Variants in FAM13C observed in about 807,000 individuals in gnomAD.
The protein encoded by FAM13C is family with sequence similarity 13 member C.
Under a neutral mutation model 73.2 loss-of-function variants are expected in FAM13C, and 37 were observed. The observed-to-expected ratio is 0.51, with a 90% confidence interval of 0.39 to 0.67. FAM13C has a LOEUF of 0.67. FAM13C is among the 30% of genes least tolerant of loss of function. FAM13C has a pLI of 0.00. For synonymous variants in FAM13C, 246 were observed against 260.9 expected (o/e 0.94, Z 0.55); for missense variants, 589 against 715.6 (o/e 0.82, Z 2.02).
intron 13 of FAM13C, among the ~76,000 whole-genome samples, chr10:59,249,537 TTAA>T (rs1470549082): frequency 1.3e-5 from 2 of 152,110 alleles, no homozygotes; most frequent in African/African-American, 4.8e-5. Context: ...CTAATAATTA[TTAA>T]TAATAATGTA....
intron 3 of FAM13C, among the ~76,000 whole-genome samples, chr10:59,341,378 A>C (rs1296605389): frequency 6.6e-6 from 1 of 152,188 alleles, no homozygotes; most frequent in Non-Finnish European, 1.5e-5. Flanking sequence ...GGCAGTGCTG[A>C]ACATCTTTGT....
At chr10:59,291,854 T>C (rs973620381) in intron 5 of FAM13C, among the ~76,000 whole-genome samples, 1 of 148,738 alleles carries the variant, frequency 6.7e-6, no homozygotes, top group African/African-American at 2.5e-5. Context: ...AGTGGTGTGA[T>C]CTCGGCTCAC....
upstream of FAM13C, chr10:59,363,168 A>G (rs1473166232): frequency 2.0e-5 from 3 of 152,590 alleles, no homozygotes; most frequent in East Asian, 5.8e-4. Flanking sequence ...GCCCCGGACT[A>G]CAGAGCTGTG....
In FAM13C at chr10:59,349,212, A is replaced by G. The variant is rs192626925; in HGVS notation, c.324+3058T>C. The stretch of plus-strand genomic sequence containing the variant: ...TGATTCCTATTTCTGTCATCTATAG[A>G]TGGTTACATTTTCCTTCAATGGTTG... On this transcript the variant is annotated intron_variant, in intron 3 of 13. Transcript: ENST00000618804. 6.2e-3 allele frequency among the ~76,000 whole-genome samples: 945 copies of G among 152,278 alleles called. 12 individuals carry two copies. Among genetic ancestry groups the G allele is most frequent in the African/African-American group, 0.022 (903 of 41,552 alleles).
intron 1 of FAM13C, among the ~76,000 whole-genome samples, chr10:59,357,735 G>A (rs946614428): frequency 2.6e-5 from 4 of 152,078 alleles, no homozygotes; most frequent in Non-Finnish European, 5.9e-5. Context: ...TCTCAGACAC[G>A]TTTTAAACAA....
intron 3 of FAM13C, among the ~76,000 whole-genome samples, chr10:59,334,222 G>T (rs1027765991): frequency 3.9e-5 from 6 of 152,052 alleles, no homozygotes; most frequent in African/African-American, 1.4e-4. Flanking sequence ...AGGAGGAAAT[G>T]GAATATTATG....
At chr10:59,273,771 A>C (rs1843989317) in intron 6 of FAM13C, among the ~76,000 whole-genome samples, 1 of 152,156 alleles carries the variant, frequency 6.6e-6, no homozygotes, top group Admixed American at 6.6e-5. Context: ...AGAAGTTACT[A>C]TCAGTGTGTG....
At chr10:59,335,572 T>A (rs1053386672) in intron 3 of FAM13C, among the ~76,000 whole-genome samples, 4 of 152,028 alleles carry the variant, frequency 2.6e-5, no homozygotes, top group Non-Finnish European at 5.9e-5. Flanking sequence ...ATACAGGAAA[T>A]CCCTGGAGGC....
At chr10:59,305,486 C>T (rs1378764112) in intron 4 of FAM13C, among the ~76,000 whole-genome samples, 1 of 152,180 alleles carries the variant, frequency 6.6e-6, no homozygotes, top group Non-Finnish European at 1.5e-5. Flanking sequence ...TAATTATTTA[C>T]AGTTACTATT....
At chr10:59,323,557 G>A (rs77408751) in intron 4 of FAM13C, 7,851 of 215,866 alleles carry the variant, frequency 0.036, 568 homozygotes, top group African/African-American at 0.16. Flanking sequence ...CAGACTATGA[G>A]TACACAGCTT....
chr10:59,314,493 T>G (rs1449476514), intron 4 of FAM13C, among the ~76,000 whole-genome samples: 4 of 152,234 alleles, frequency 2.6e-5, no homozygotes. Flanking sequence ...AGGCCTTTCC[T>G]CTTTACACTA....
chr10:59,329,650 G>A lies in FAM13C; in HGVS notation c.325-5544C>T, dbSNP rs181201471. The stretch of plus-strand genomic sequence containing the variant: ...TGAGATTACAGTCGTAAGCAACTGC[G>A]CCTGGACTGATTCTATTTTTTTAAG... On this transcript the variant is annotated intron_variant, in intron 3 of 13. Transcript: ENST00000618804. 2.7e-3 allele frequency among the ~76,000 whole-genome samples: 413 copies of A among 152,074 alleles called. 2 individuals are homozygous for A. Among genetic ancestry groups the A allele is most frequent in the African/African-American group, 5.3e-3 (222 of 41,496 alleles).
At chr10:59,349,971 G>A (rs562217744) in intron 3 of FAM13C, among the ~76,000 whole-genome samples, 20 of 152,222 alleles carry the variant, frequency 1.3e-4, no homozygotes, top group South Asian at 8.3e-4. Flanking sequence ...GAGTCTCACT[G>A]ATCCCCAGAG....
chr10:59,300,283 A>G lies in FAM13C; in HGVS notation c.507+2518T>C, dbSNP rs368867234. ...ATAAGGTACGTAGGTAGCATCTTGT[A>G]ATTATTACTACGTACAACATATGGA... On this transcript the variant is annotated intron_variant, in intron 5 of 13. Coordinates refer to ENST00000618804, the MANE Select transcript of FAM13C (RefSeq NM_198215.4). 4.6e-4 allele frequency among the ~76,000 whole-genome samples: 70 copies of G among 152,362 alleles called. 1 individual carries two copies. Among genetic ancestry groups the G allele is most frequent in the African/African-American group, 1.5e-3 (64 of 41,588 alleles).
chr10:59,323,871 T>C, intron 4 of FAM13C, 117 bp downstream of exon 4: 2 of 890,674 alleles, frequency 2.2e-6, no homozygotes, highest in Non-Finnish European at 3.8e-6. Flanking sequence ...TTTCTGACTA[T>C]AAGGAATGCC....
intron 4 of FAM13C, among the ~76,000 whole-genome samples, chr10:59,321,254 A>T (rs1257085426): frequency 6.6e-6 from 1 of 152,082 alleles, no homozygotes; most frequent in Non-Finnish European, 1.5e-5. Context: ...CCCAGCCATG[A>T]TCAGAGGGAG....
intron 2 of FAM13C, among the ~76,000 whole-genome samples, chr10:59,353,989 C>A (rs576104937): frequency 6.6e-6 from 1 of 152,256 alleles, no homozygotes; most frequent in African/African-American, 2.4e-5. Context: ...TATACTAGTT[C>A]ATTTGAAGTA....
At chr10:59,325,944 G>C (rs143012733) in intron 3 of FAM13C, among the ~76,000 whole-genome samples, 2 of 152,120 alleles carry the variant, frequency 1.3e-5, no homozygotes, top group Middle Eastern at 3.4e-3. Flanking sequence ...CTCAATATAT[G>C]TAGGCATTAA....
At chr10:59,264,241 A>G in intron 8 of FAM13C, 75 bp from the exon 9 acceptor site, 2 of 1,112,440 alleles carry the variant, frequency 1.8e-6, no homozygotes, top group Non-Finnish European at 2.7e-6. Context: ...AGAGAAAAGG[A>G]AAAACAAAAT....
Sources: gnomAD v4.1 joint callset for allele counts (sites outside exome capture counted in the v4.1 genomes callset) on GRCh38, gnomAD v4.1.1 for gene constraint, MANE v1.5 for transcripts, NCBI Gene and HGNC (gene_info 2026-07-23, HGNC 2026-07-21) for gene names.